Variants in TPGS2 observed in about 807,000 individuals in gnomAD.
TPGS2 encodes the protein tubulin polyglutamylase complex subunit 2.
Under a neutral mutation model 31.1 loss-of-function variants are expected in TPGS2, and 26 were observed. The observed-to-expected ratio is 0.84, with a 90% CI of 0.61 to 1.16. The LOEUF is 1.16. TPGS2 is among the 50% of genes most tolerant of loss of function. The probability of loss-of-function intolerance (pLI) is 0.00; values close to 1 mark genes in which losing one functional copy is unlikely to be tolerated. For synonymous variants in TPGS2, 130 were observed against 136.6 expected (o/e 0.95, Z 0.34); for missense variants, 351 against 363.8 (o/e 0.96, Z 0.29).
At chr18:36,826,630 A>G (rs773225050) in intron 1 of TPGS2, among the ~76,000 whole-genome samples, 1 of 152,212 alleles carries the variant, frequency 6.6e-6, no homozygotes, top group Non-Finnish European at 1.5e-5. Context: ...TGAACATAGC[A>G]GGCCCGAGAC....
downstream of TPGS2, among the ~76,000 whole-genome samples, chr18:36,793,895 G>A (rs1222825856): frequency 6.6e-6 from 1 of 151,780 alleles, no homozygotes; most frequent in African/African-American, 2.4e-5. Context: ...CCGCCACCAC[G>A]CCCGGCTAAT....
In TPGS2 at chr18:36,796,591, C is replaced by T. The variant is rs1426338542; in HGVS notation, c.*214G>A. The T allele has an allele frequency of 2.3e-6, 3 of 1,329,292 alleles. No individual in the cohort carries two copies. Among genetic ancestry groups the T allele is most frequent in the Admixed American group, 4.1e-5 (1 of 24,462 alleles). 82.3% of individuals were successfully genotyped at this position (1,329,292 alleles called of 1,614,324 possible). A position where few individuals can be genotyped will look rare whatever the true frequency, so the allele number is the denominator to read the frequency against. ...GGCACTTACACAAGATTCCAAATTC[C>T]CCATTGCTTCCAGAGGCAGGGGACA... On this transcript the variant is annotated 3_prime_UTR_variant, in exon 7 of 7. Transcript: ENST00000334295.
At chr18:36,784,404 C>T (rs963336882) in intron 6 of TPGS2, among the ~76,000 whole-genome samples, 1 of 152,208 alleles carries the variant, frequency 6.6e-6, no homozygotes, top group African/African-American at 2.4e-5. Context: ...ACTCTGCAGC[C>T]ATATCTAGAT....
At chr18:36,790,340 T>G (rs2044267159), downstream of TPGS2, among the ~76,000 whole-genome samples, 1 of 152,262 alleles carries the variant, frequency 6.6e-6, no homozygotes, top group Non-Finnish European at 1.5e-5. Flanking sequence ...CTGGGAATCC[T>G]GTTCACAGAA....
At chr18:36,798,083 G>T in intron 6 of TPGS2, 1 of 969,042 alleles carries the variant, frequency 1.0e-6, no homozygotes, top group Non-Finnish European at 1.3e-6. Context: ...CGTAATAGCA[G>T]CTGCCACTGG....
downstream of TPGS2, among the ~76,000 whole-genome samples, chr18:36,790,386 TA>T (rs1205676424): frequency 2.0e-5 from 3 of 152,242 alleles, no homozygotes; most frequent in East Asian, 5.8e-4. Context: ...GTTGGTTGGA[TA>T]CTGAAAGCAT....
At chr18:36,781,881 G>GA, downstream of TPGS2, 1 of 985,376 alleles carries the variant, frequency 1.0e-6, no homozygotes, top group Non-Finnish European at 1.2e-6. Flanking sequence ...TGGAACTTGC[G>GA]AGAGTTGGGT....
chr18:36,813,329 G>A (rs2045512025), intron 2 of TPGS2, among the ~76,000 whole-genome samples: 1 of 152,190 alleles, frequency 6.6e-6, no homozygotes, highest in African/African-American at 2.4e-5. Context: ...GGGCATGCAG[G>A]AGCCACACCA....
Position 36,798,440 on chromosome 18 carries a change from C to T in TPGS2, c.657+9G>A, listed in dbSNP as rs1232394127. The T allele has an allele frequency of 1.2e-6, 2 of 1,614,106 alleles. No individual in the cohort carries two copies. The highest frequency in any genetic ancestry group is 1.7e-5 in the Admixed American group (1 of 60,014). Reference sequence around the variant, plus strand: ...CCATAGTTTACAATGGCAGGTGTTCCTCCCTTACCTTGGCCTGTGGGCTAA... The same window carrying T: ...CCATAGTTTACAATGGCAGGTGTTCTTCCCTTACCTTGGCCTGTGGGCTAA... On this transcript the variant is annotated intron_variant, in intron 6 of 6. Coordinates refer to ENST00000334295, the MANE Select transcript of TPGS2 (RefSeq NM_015476.4).
intron 6 of TPGS2, chr18:36,786,741 ACT>A: frequency 8.6e-7 from 1 of 1,161,198 alleles, no homozygotes; most frequent in Non-Finnish European, 1.1e-6. Flanking sequence ...ATGGTCAGAA[ACT>A]CAGTTTCTAA....
At chr18:36,781,382 G>C (rs946942221), downstream of TPGS2, among the ~76,000 whole-genome samples, 2 of 152,164 alleles carry the variant, frequency 1.3e-5, no homozygotes, top group East Asian at 1.9e-4. Flanking sequence ...GGCCGGGTGC[G>C]GTGGCTGACG....
At chr18:36,803,099 A>G (rs1025991126) in intron 4 of TPGS2, among the ~76,000 whole-genome samples, 8 of 152,218 alleles carry the variant, frequency 5.3e-5, no homozygotes, top group African/African-American at 1.9e-4. Flanking sequence ...TAATTAGCAT[A>G]TCTACCACTA....
chr18:36,828,925 C>A lies in TPGS2; in HGVS notation c.-158G>T. ...GGGCCCGGGGTTGGTCTGACAGCAG[C>A]AGCTCCGTGGGGCGCCGGTTCCCGC... On this transcript the variant is annotated 5_prime_UTR_variant, in exon 1 of 7. Transcript: ENST00000334295. 9.9e-7 allele frequency: 1 copy of A among 1,014,684 alleles called. No individual in the cohort carries two copies. Among genetic ancestry groups the A allele is most frequent in the Non-Finnish European group, 1.4e-6 (1 of 718,660 alleles). 62.9% of individuals were successfully genotyped at this position (1,014,684 alleles called of 1,614,324 possible).
chr18:36,814,348 G>A (rs576223449), intron 2 of TPGS2, among the ~76,000 whole-genome samples: 24 of 152,324 alleles, frequency 1.6e-4, no homozygotes, highest in African/African-American at 5.1e-4. Context: ...CAACTGCACA[G>A]AGGCAGACAA....
rs1342490331 is a variant in TPGS2, at chr18:36,794,664, G to GGAA, written c.*2138_*2140dup. ...CAATTCTGGCAAGAAAAATACTTCT[G>GGAA]GAAGACTAAACTCCAGCTATTGTCC... On this transcript the variant is annotated 3_prime_UTR_variant, in exon 7 of 7. Transcript: ENST00000334295. The GGAA allele has an allele frequency of 1.1e-5, 11 of 985,154 alleles. No homozygotes were observed. The highest frequency in any genetic ancestry group is 1.3e-5 in the Non-Finnish European group (11 of 829,920). The allele number at this position is 985,154 out of a possible 1,614,324, so 61.0% of individuals were successfully genotyped here.
At chr18:36,800,783 G>C (rs1179591726) in intron 4 of TPGS2, among the ~76,000 whole-genome samples, 1 of 151,226 alleles carries the variant, frequency 6.6e-6, no homozygotes. Flanking sequence ...TCCACCTCCC[G>C]GGTTGAAGCA....
At chr18:36,824,149 TTC>T (rs2150703436) in intron 1 of TPGS2, among the ~76,000 whole-genome samples, 1 of 152,348 alleles carries the variant, frequency 6.6e-6, no homozygotes, top group Admixed American at 6.5e-5. Context: ...TGCAACTGGC[TTC>T]TCTCACTTTC....
At chr18:36,786,695 G>T in intron 6 of TPGS2, 1 of 626,722 alleles carries the variant, frequency 1.6e-6, no homozygotes, top group Non-Finnish European at 2.3e-6. Context: ...AAAAGGGAGG[G>T]GGTATGATGA....
In TPGS2 at chr18:36,828,963, T is replaced by C. The variant is rs561810746; in HGVS notation, c.-196A>G. On this transcript the variant is annotated 5_prime_UTR_variant, in exon 1 of 7. Transcript: ENST00000334295. ...CGCCGGTTCCCGCGGCCCCGCCCGGTGCCCCACACCGCACCTCCGGGACGT... is the reference window on the plus strand; with the variant it reads ...CGCCGGTTCCCGCGGCCCCGCCCGGCGCCCCACACCGCACCTCCGGGACGT... The C allele has an allele frequency of 4.9e-4, 486 of 999,506 alleles. 2 individuals are homozygous for C. In the African/African-American group the frequency reaches 7.8e-3, roughly 16 times the overall value. The allele number at this position is 999,506 out of a possible 1,614,324, so 61.9% of individuals were successfully genotyped here.
Sources: gnomAD v4.1 joint callset for allele counts (sites outside exome capture counted in the v4.1 genomes callset) on GRCh38, gnomAD v4.1.1 for gene constraint, MANE v1.5 for transcripts, NCBI Gene and HGNC (gene_info 2026-07-23, HGNC 2026-07-21) for gene names.